FOCAD: variants seen among roughly 807,000 people sequenced by gnomAD.
The protein encoded by FOCAD is focadhesin.
Under a neutral mutation model 225.6 loss-of-function variants are expected in FOCAD, and 198 were observed. The ratio of observed to expected loss-of-function variants is 0.88; its 90% CI spans 0.78 to 0.99. The LOEUF (loss-of-function observed/expected upper bound fraction) is 0.99. Ranked by LOEUF, FOCAD falls within the 50% of genes least tolerant of loss-of-function variation. The pLI, the probability that FOCAD is intolerant of heterozygous loss-of-function variation, is 0.00. For synonymous variants in FOCAD, 897 were observed against 755.0 expected (o/e 1.19, Z -3.08); for missense variants, 2,713 against 2,123.6 (o/e 1.28, Z -5.46).
intron 19 of FOCAD, among the ~76,000 whole-genome samples, chr9:20,879,503 T>A (rs1040243726): frequency 6.6e-6 from 1 of 152,192 alleles, no homozygotes; most frequent in Non-Finnish European, 1.5e-5. Flanking sequence ...CCTGTATCAA[T>A]TGTTTTTTCT....
chr9:20,707,123 T>C (rs1824453418), intron 1 of FOCAD, among the ~76,000 whole-genome samples: 1 of 152,188 alleles, frequency 6.6e-6, no homozygotes, highest in African/African-American at 2.4e-5. Context: ...AGAACAGATA[T>C]TGGTGGATAA....
At chr9:20,762,650 ATTTAT>A (rs1829710892) in intron 6 of FOCAD, among the ~76,000 whole-genome samples, 1 of 152,164 alleles carries the variant, frequency 6.6e-6, no homozygotes, top group African/African-American at 2.4e-5. Context: ...GTCAAGTGTT[ATTTAT>A]TTTATTATAA....
chr9:20,949,662 G>A lies in FOCAD; in HGVS notation c.3935G>A (p.Arg1312Lys). 1 of 1,612,610 alleles carries A rather than the reference G, an allele frequency of 6.2e-7. No individual in the cohort carries two copies. Among genetic ancestry groups the A allele is most frequent in the Non-Finnish European group, 8.5e-7 (1 of 1,178,938 alleles). The change falls in exon 33 of 44, where the codon AGA becomes AAA. Residue 1312 changes from arginine to lysine, a missense_variant. Arg to Lys is a conservative substitution (Grantham distance 26). Coordinates refer to ENST00000338382, the MANE Select transcript of FOCAD (RefSeq NM_001375567.1). ...CAAGGCAGACTTAATGAAGTCATTA[G>A]AACCTTAACTCAGGTGAGAAAATGA... ...HFQGRLNEVI[R>K]TLTQVISVSG...
Position 20,981,704 on chromosome 9 carries a change from T to G in FOCAD, c.4638+18T>G. ...AGATTCGGGTGAGGAACAAAAATAT[T>G]TACATTCCTGACAATTTATGTTTGG... On this transcript the variant is annotated intron_variant, in intron 38 of 43. Coordinates refer to ENST00000338382, the MANE Select transcript of FOCAD (RefSeq NM_001375567.1). The G allele has an allele frequency of 6.3e-7, 1 of 1,595,236 alleles. No individual in the cohort carries two copies.
In FOCAD at chr9:20,961,667, G is replaced by A. The variant is rs556073515; in HGVS notation, c.4132+8602G>A. Among the ~76,000 whole-genome samples, 146 of 152,110 alleles carry A rather than the reference G, an allele frequency of 9.6e-4. 2 individuals are homozygous for A. Among genetic ancestry groups the A allele is most frequent in the Admixed American group, 7.2e-3 (110 of 15,282 alleles). ...TCAATCTGTCTTTCTTTTTGTATTT[G>A]TAACTCCCTTCTCTGACAGTAAGAA... On this transcript the variant is annotated intron_variant, in intron 35 of 43. Transcript: ENST00000338382.
At chr9:20,763,857 G>A (rs1829830677) in intron 6 of FOCAD, among the ~76,000 whole-genome samples, 1 of 152,108 alleles carries the variant, frequency 6.6e-6, no homozygotes, top group Non-Finnish European at 1.5e-5. Flanking sequence ...TCATTCCGGT[G>A]TTTTAGTGAA....
intron 22 of FOCAD, among the ~76,000 whole-genome samples, chr9:20,909,067 T>G (rs1435992435): frequency 6.6e-6 from 1 of 152,086 alleles, no homozygotes; most frequent in Non-Finnish European, 1.5e-5. Context: ...AGAATTCTAT[T>G]TAGCTCTTAG....
intron 37 of FOCAD, 49 bp from the exon 38 acceptor site, chr9:20,981,377 A>C (rs942629338): frequency 1.8e-5 from 28 of 1,594,228 alleles, no homozygotes; most frequent in Non-Finnish European, 2.2e-5. Context: ...TGAACATTGC[A>C]AACCCAGACT....
rs963335223 is a variant in FOCAD, at chr9:20,966,986, A to AT, written c.4133-9425dup. ...CTGTACATTTTTCTTTTTTCAAGAT[A>AT]TTTTTTTTTAGGTATTTGGGGCCCC... On this transcript the variant is annotated intron_variant, in intron 35 of 43. Transcript: ENST00000338382. Among the ~76,000 whole-genome samples, 90 of 144,368 alleles carry AT rather than the reference A, an allele frequency of 6.2e-4. No individual in the cohort carries two copies. The East Asian group carries it at 0.016, about 25-fold the overall frequency. The allele number at this position is 144,368 out of a possible 152,430, so 94.7% of individuals were successfully genotyped here. A position where few individuals can be genotyped will look rare whatever the true frequency, so the allele number is the denominator to read the frequency against.
At chr9:20,885,899 T>C (rs1429315163) in intron 21 of FOCAD, among the ~76,000 whole-genome samples, 1 of 152,212 alleles carries the variant, frequency 6.6e-6, no homozygotes, top group Non-Finnish European at 1.5e-5. Flanking sequence ...CAAAGAGATT[T>C]ATATAGTTCA....
At position 20,781,869 on chromosome 9, in the gene FOCAD, G is replaced by T. The variant is rs140435235; in HGVS notation, c.1137G>T (p.Gln379His). The T allele has an allele frequency of 5.3e-4, 850 of 1,614,002 alleles. 1 individual carries two copies. Among genetic ancestry groups the T allele is most frequent in the Non-Finnish European group, 4.8e-4 (572 of 1,179,976 alleles). The change falls in exon 10 of 44, where the codon CAG becomes CAT. Residue 379 changes from glutamine to histidine, a missense_variant. By Grantham distance (24) the Gln-to-His change is conservative. Transcript: ENST00000338382. ...ATGAAGAAGGTCCCTCTAGGCAGCA[G>T]TTGGCTCTAAACCTTTTGGAAATGA... is the stretch of plus-strand genomic sequence containing the variant. ...SVDEEGPSRQ[Q>H]LALNLLEMIQ...
chr9:20,918,723 CAA>C (rs59430546), intron 24 of FOCAD, among the ~76,000 whole-genome samples: 63 of 114,578 alleles, frequency 5.5e-4, no homozygotes, highest in African/African-American at 1.0e-3. Context: ...GACTCCGTCT[CAA>C]AAAAAAAAAA....
chr9:20,921,133 G>A (rs1468714242), intron 24 of FOCAD, among the ~76,000 whole-genome samples: 1 of 152,018 alleles, frequency 6.6e-6, no homozygotes, highest in Non-Finnish European at 1.5e-5. Context: ...AAAACCTGAT[G>A]ATTGATGTGA....
intron 37 of FOCAD, among the ~76,000 whole-genome samples, chr9:20,980,190 A>AT (rs944903238): frequency 4.6e-5 from 7 of 151,792 alleles, no homozygotes; most frequent in East Asian, 1.9e-4. Context: ...TACAATATGA[A>AT]TTTTTTTATG....
chr9:20,864,129 C>T (rs143263996), intron 16 of FOCAD, among the ~76,000 whole-genome samples: 1 of 152,030 alleles, frequency 6.6e-6, no homozygotes, highest in Non-Finnish European at 1.5e-5. Context: ...GGGAGAGACC[C>T]TCCTTCCTCC....
chr9:20,733,038 T>G (rs1826844249), intron 4 of FOCAD, among the ~76,000 whole-genome samples: 1 of 152,142 alleles, frequency 6.6e-6, no homozygotes, highest in African/African-American at 2.4e-5. Flanking sequence ...CCTGAACACA[T>G]TATACTATGA....
intron 10 of FOCAD, 88 bp downstream of exon 10, chr9:20,782,017 C>T (rs1819430142): frequency 1.8e-6 from 2 of 1,137,392 alleles, no homozygotes; most frequent in Non-Finnish European, 2.6e-6. Flanking sequence ...GATGAAGCAT[C>T]TGTTTGTTAT....
intron 42 of FOCAD, among the ~76,000 whole-genome samples, chr9:20,991,269 TGAAA>T (rs1186953402): frequency 6.6e-6 from 1 of 152,252 alleles, no homozygotes; most frequent in Non-Finnish European, 1.5e-5. Context: ...TACAGTTGGT[TGAAA>T]GATTCTTTTT....
chr9:20,684,759 T>G (rs1488169226), intron 1 of FOCAD: 2 of 152,574 alleles, frequency 1.3e-5, no homozygotes, highest in Middle Eastern at 3.4e-3. Flanking sequence ...GACTGTCTCC[T>G]TCTCATTCCC....
Sources: allele counts gnomAD v4.1 joint callset (sites outside exome capture counted in the v4.1 genomes callset), GRCh38; gene constraint gnomAD v4.1.1; transcripts MANE v1.5; gene names NCBI Gene and HGNC (gene_info 2026-07-23, HGNC 2026-07-21).